POF1B: variants seen among roughly 807,000 people sequenced by gnomAD.
The protein encoded by POF1B is POF1B actin binding protein.
POF1B carries 53 observed loss-of-function variants against 55.3 expected under a neutral mutation model. The observed-to-expected ratio is 0.96, with a 90% CI of 0.77 to 1.20. The LOEUF is 1.20. POF1B is among the 50% of genes most tolerant of loss of function. POF1B has a pLI of 0.00. For synonymous variants in POF1B, 188 were observed against 148.3 expected (o/e 1.27, Z -1.95); for missense variants, 478 against 420.5 (o/e 1.14, Z -1.20).
intron 2 of POF1B, among the ~76,000 whole-genome samples, chrX:85,370,158 G>T (rs1933794282): frequency 8.9e-6 from 1 of 112,176 alleles, no homozygotes; most frequent in African/African-American, 3.2e-5. Context: ...CACAGATAAA[G>T]ACATTTATTT....
intron 15 of POF1B, among the ~76,000 whole-genome samples, 174 bp downstream of exon 15, chrX:85,303,232 A>AT (rs1306925188): frequency 9.0e-6 from 1 of 111,019 alleles, no homozygotes; most frequent in Non-Finnish European, 1.9e-5. Flanking sequence ...GTGCTTCAGG[A>AT]TTTTTTTGAC....
rs1394711173 is a variant in POF1B, at chrX:85,293,989, AAAG to A, written c.1649+9414_1649+9416del. Among the ~76,000 whole-genome samples, 3 of 110,549 alleles carry A rather than the reference AAAG, an allele frequency of 2.7e-5. No individual in the cohort carries two copies. In the East Asian group the frequency reaches 8.6e-4, roughly 32 times the overall value. ...ACTCTGTCAAAAAAAAAAAATAAAT[AAAG>A]AAGAAGAAGAAGGAGAAGGAGGAGG... is the stretch of plus-strand genomic sequence containing the variant. On this transcript the variant is annotated intron_variant, in intron 15 of 16. Transcript: ENST00000262753.
chrX:85,351,308 T>A, intron 5 of POF1B, 42 bp downstream of exon 5: 1 of 952,965 alleles, frequency 1.0e-6, no homozygotes, highest in Non-Finnish European at 1.5e-6. Flanking sequence ...CAATTCAAAA[T>A]TATACACTTA....
At chrX:85,373,137 G>A (rs915700748) in intron 2 of POF1B, among the ~76,000 whole-genome samples, 31 of 111,225 alleles carry the variant, frequency 2.8e-4, no homozygotes, top group Non-Finnish European at 1.5e-4. Flanking sequence ...TATACAGTAA[G>A]GGTAATCATC....
chrX:85,378,756 C>G (rs2147957146), intron 2 of POF1B, among the ~76,000 whole-genome samples: 1 of 112,106 alleles, frequency 8.9e-6, no homozygotes, highest in African/African-American at 3.2e-5. Context: ...CTCAGACATG[C>G]CACAGTACCT....
At chrX:85,356,878 A>G in intron 4 of POF1B, among the ~76,000 whole-genome samples, 2 of 110,840 alleles carry the variant, frequency 1.8e-5, no homozygotes, top group Admixed American at 1.9e-4. Flanking sequence ...ATAATCCCCA[A>G]CATCTACTTT....
chrX:85,339,955 C>T (rs1045049941), intron 6 of POF1B, among the ~76,000 whole-genome samples: 25 of 110,958 alleles, frequency 2.3e-4, no homozygotes, highest in African/African-American at 7.8e-4. Context: ...TGCAGATTAT[C>T]AGGCCCCAGC....
At chrX:85,301,576 G>T (rs1192226827) in intron 15 of POF1B, among the ~76,000 whole-genome samples, 1 of 111,057 alleles carries the variant, frequency 9.0e-6, no homozygotes, top group African/African-American at 3.3e-5. Flanking sequence ...TCCATTTGAA[G>T]AAATAAAGAT....
intron 5 of POF1B, among the ~76,000 whole-genome samples, chrX:85,348,435 C>A (rs1933313294): frequency 9.0e-6 from 1 of 110,713 alleles, no homozygotes; most frequent in African/African-American, 3.3e-5. Flanking sequence ...TTGCACCTGG[C>A]ACCACTTTAC....
intron 12 of POF1B, 105 bp downstream of exon 12, chrX:85,306,076 G>C (rs1476487544): frequency 4.2e-6 from 4 of 949,497 alleles, no homozygotes; most frequent in African/African-American, 2.0e-5. Context: ...CAGTGATTAA[G>C]ATCTAACAGT....
Position 85,279,130 on chromosome X carries a change from G to A in POF1B, c.*291C>T. 4.4e-6 allele frequency: 1 copy of A among 228,911 alleles called. No homozygotes were observed. The highest frequency in any genetic ancestry group is 8.0e-6 in the Non-Finnish European group (1 of 125,665). The allele number at this position is 228,911 out of a possible 1,213,427, so 18.9% of individuals were successfully genotyped here. On this transcript the variant is annotated 3_prime_UTR_variant, in exon 17 of 17. Coordinates refer to ENST00000262753, the MANE Select transcript of POF1B (RefSeq NM_024921.4). ...GGAGTTACCTTATCTGAAACATAAT[G>A]AGTTATGTTCTACAGTGTCTGCAAT...
chrX:85,310,923 A>G (rs912863978), intron 9 of POF1B, among the ~76,000 whole-genome samples: 15 of 112,149 alleles, frequency 1.3e-4, no homozygotes, highest in African/African-American at 4.5e-4. Context: ...CCCAGAAGGA[A>G]CTAGGATACT....
intron 6 of POF1B, among the ~76,000 whole-genome samples, chrX:85,339,448 A>G (rs1012164688): frequency 9.0e-6 from 1 of 111,445 alleles, no homozygotes; most frequent in Non-Finnish European, 1.9e-5. Flanking sequence ...GAAGTGCCTG[A>G]GAAGAAGTCA....
chrX:85,372,144 A>T (rs2147952725), intron 2 of POF1B, among the ~76,000 whole-genome samples: 1 of 110,403 alleles, frequency 9.1e-6, no homozygotes, highest in South Asian at 3.9e-4. Flanking sequence ...GGAAATCGAG[A>T]CCATCCTGGC....
intron 3 of POF1B, among the ~76,000 whole-genome samples, chrX:85,364,946 CT>C (rs1159821133): frequency 9.0e-6 from 1 of 111,503 alleles, no homozygotes. Flanking sequence ...TTGTTCATTC[CT>C]TTTCATTCTT....
intron 15 of POF1B, among the ~76,000 whole-genome samples, chrX:85,301,933 C>A (rs1288583332): frequency 2.7e-5 from 3 of 110,787 alleles, no homozygotes; most frequent in Admixed American, 1.9e-4. Flanking sequence ...ACAAATAGGT[C>A]AAAAATGAAA....
chrX:85,377,304 A>C (rs1056159732), intron 2 of POF1B, among the ~76,000 whole-genome samples: 1 of 111,720 alleles, frequency 9.0e-6, no homozygotes, highest in Non-Finnish European at 1.9e-5. Flanking sequence ...GGAAAATAAA[A>C]TAGAAGAGTT....
chrX:85,316,302 G>T (rs1286965976), intron 7 of POF1B, among the ~76,000 whole-genome samples: 1 of 111,605 alleles, frequency 9.0e-6, no homozygotes, highest in Non-Finnish European at 1.9e-5. Flanking sequence ...AAAGCATTAA[G>T]CAAAATGATC....
intron 5 of POF1B, among the ~76,000 whole-genome samples, chrX:85,348,603 T>C: frequency 9.0e-6 from 1 of 111,561 alleles, no homozygotes; most frequent in Middle Eastern, 4.6e-3. Flanking sequence ...AGGAAACTAG[T>C]AGGACAATGC....
Sources: allele counts gnomAD v4.1 joint callset (sites outside exome capture counted in the v4.1 genomes callset), GRCh38; gene constraint gnomAD v4.1.1; transcripts MANE v1.5; gene names NCBI Gene and HGNC (gene_info 2026-07-23, HGNC 2026-07-21).